The following SRPK2 variants were observed in gnomAD, a reference collection of about 807,000 sequenced individuals.
SRPK2 encodes SFRS protein kinase 2.
SRPK2 carries 21 observed loss-of-function variants against 90.8 expected under a neutral mutation model. The observed-to-expected ratio is 0.23, with a 90% CI of 0.16 to 0.33. The LOEUF (loss-of-function observed/expected upper bound fraction) is 0.33, where lower values mean the gene tolerates loss of function less well. Ranked by LOEUF, SRPK2 falls within the 10% of genes least tolerant of loss-of-function variation. The pLI is 1.00. For synonymous variants in SRPK2, 288 were observed against 311.1 expected (o/e 0.93, Z 0.78); for missense variants, 620 against 869.0 (o/e 0.71, Z 3.60).
chr7:105,127,201 A>C (rs1801331440), intron 13 of SRPK2, 139 bp from the exon 14 acceptor site: 2 of 671,730 alleles, frequency 3.0e-6, no homozygotes, highest in South Asian at 4.4e-5. Flanking sequence ...CTCAATACTA[A>C]TTTTTTTCTT....
At chr7:105,150,571 T>A (rs2129578630) in intron 7 of SRPK2, among the ~76,000 whole-genome samples, 2 of 152,296 alleles carry the variant, frequency 1.3e-5, no homozygotes, top group South Asian at 4.1e-4. Flanking sequence ...GTAAGAAAGA[T>A]AACATGATGT....
chr7:105,283,657 G>C (rs1231799571), intron 2 of SRPK2, among the ~76,000 whole-genome samples: 1 of 152,106 alleles, frequency 6.6e-6, no homozygotes, highest in African/African-American at 2.4e-5. Flanking sequence ...TTCTCTTTGA[G>C]GTGATGAAAA....
chr7:105,343,097 G>C (rs1816020657), intron 2 of SRPK2, among the ~76,000 whole-genome samples: 1 of 152,164 alleles, frequency 6.6e-6, no homozygotes, highest in Non-Finnish European at 1.5e-5. Context: ...CTTCAAGGAG[G>C]ACTTGAAAGT....
At chr7:105,240,926 T>G (rs1800735715) in intron 2 of SRPK2, among the ~76,000 whole-genome samples, 1 of 152,222 alleles carries the variant, frequency 6.6e-6, no homozygotes, top group Non-Finnish European at 1.5e-5. Context: ...AATGTTTTAT[T>G]GTTATTATTC....
At position 105,250,339 on chromosome 7, in the gene SRPK2, TAAAC is replaced by T. The variant is rs58664882; in HGVS notation, c.72-46558_72-46555del. Among the ~76,000 whole-genome samples, 675 of 151,204 alleles carry T rather than the reference TAAAC, an allele frequency of 4.5e-3. 2 individuals are homozygous for T. Among genetic ancestry groups the T allele is most frequent in the African/African-American group, 7.7e-3 (315 of 40,972 alleles). On this transcript the variant is annotated intron_variant, in intron 2 of 15. Coordinates refer to ENST00000393651, the MANE Select transcript of SRPK2 (RefSeq NM_182692.3). ...TGGGCAACGGGAGCAAAACTCTGTC[TAAAC>T]AAACAAACAAACAAACAAACAAACA...
rs1799645538 is a variant in SRPK2 at position 105,116,549 on chromosome 7, A to G, written c.*1289T>C. On this transcript the variant is annotated 3_prime_UTR_variant, in exon 16 of 16. Transcript: ENST00000393651. The stretch of plus-strand genomic sequence containing the variant: ...AGGCACCTTAATGAATGTAAAATTT[A>G]AAATAAAAAGACATTCAATCCACTG... The G allele has an allele frequency of 6.6e-6, 1 of 152,634 alleles. No homozygotes were observed. Among genetic ancestry groups the G allele is most frequent in the African/African-American group, 2.4e-5 (1 of 41,470 alleles). 9.5% of individuals were successfully genotyped at this position (152,634 alleles called of 1,614,324 possible).
chr7:105,177,507 C>T (rs142674277), intron 3 of SRPK2, among the ~76,000 whole-genome samples: 2 of 152,148 alleles, frequency 1.3e-5, no homozygotes, highest in Non-Finnish European at 2.9e-5. Flanking sequence ...CATTTAAAAA[C>T]CAAGATTTTC....
chr7:105,370,469 T>TCCTATCCTTTTAGG (rs1458701209), intron 2 of SRPK2, among the ~76,000 whole-genome samples: 1 of 152,140 alleles, frequency 6.6e-6, no homozygotes, highest in Non-Finnish European at 1.5e-5. Flanking sequence ...TCCTTCTTAT[T>TCCTATCCTTTTAGG]CCTATCCTTT....
chr7:105,212,194 T>C (rs1767687931), intron 2 of SRPK2, among the ~76,000 whole-genome samples: 1 of 152,202 alleles, frequency 6.6e-6, no homozygotes, highest in Non-Finnish European at 1.5e-5. Flanking sequence ...ATATTACTAC[T>C]GAAATGGAGA....
intron 2 of SRPK2, among the ~76,000 whole-genome samples, chr7:105,205,019 C>T (rs1796017784): frequency 6.6e-6 from 1 of 152,158 alleles, no homozygotes; most frequent in African/African-American, 2.4e-5. Context: ...GCCCTGGAAT[C>T]TTGAGAAGGT....
chr7:105,136,295 T>G (rs1051042425), intron 11 of SRPK2, among the ~76,000 whole-genome samples: 7 of 152,344 alleles, frequency 4.6e-5, no homozygotes, highest in South Asian at 4.1e-4. Flanking sequence ...TGATAGTTCC[T>G]GAACTAAGGT....
chr7:105,292,096 A>C (rs1409707493), intron 2 of SRPK2, among the ~76,000 whole-genome samples: 4 of 152,200 alleles, frequency 2.6e-5, no homozygotes, highest in Non-Finnish European at 5.9e-5. Flanking sequence ...CATGAGCCTC[A>C]GCTACCAACA....
At chr7:105,334,413 G>A (rs1031815187) in intron 2 of SRPK2, among the ~76,000 whole-genome samples, 15 of 151,936 alleles carry the variant, frequency 9.9e-5, no homozygotes, top group East Asian at 7.8e-4. Flanking sequence ...TAGTAGAGTC[G>A]GTGTTTCACC....
chr7:105,177,788 C>T (rs1048118391), intron 3 of SRPK2, among the ~76,000 whole-genome samples: 3 of 151,878 alleles, frequency 2.0e-5, no homozygotes, highest in African/African-American at 4.8e-5. Context: ...TTTGGGAGGC[C>T]GAGACGGGCG....
At chr7:105,125,181 A>C (rs1801011695) in intron 15 of SRPK2, among the ~76,000 whole-genome samples, 1 of 152,116 alleles carries the variant, frequency 6.6e-6, no homozygotes, top group South Asian at 2.1e-4. Context: ...TTCTTTTAAA[A>C]ATACTCCTAG....
chr7:105,287,194 G>A (rs1268243669), intron 2 of SRPK2, among the ~76,000 whole-genome samples: 2 of 147,422 alleles, frequency 1.4e-5, no homozygotes, highest in Non-Finnish European at 3.0e-5. Flanking sequence ...CCGGGAGGCG[G>A]AGCTTGCAGT....
intron 2 of SRPK2, among the ~76,000 whole-genome samples, chr7:105,290,761 G>A (rs1227241280): frequency 2.0e-5 from 3 of 152,096 alleles, no homozygotes; most frequent in Non-Finnish European, 2.9e-5. Flanking sequence ...AATGAAGGCC[G>A]GGCGCGGTGG....
At chr7:105,302,467 G>C (rs1481895948) in intron 2 of SRPK2, among the ~76,000 whole-genome samples, 2 of 152,150 alleles carry the variant, frequency 1.3e-5, no homozygotes, top group Non-Finnish European at 2.9e-5. Flanking sequence ...AGTACTCAGT[G>C]AACAGTTACT....
intron 2 of SRPK2, among the ~76,000 whole-genome samples, chr7:105,220,511 C>T (rs964739027): frequency 1.3e-5 from 2 of 151,830 alleles, no homozygotes; most frequent in African/African-American, 2.4e-5. Context: ...GGCGACAGAG[C>T]GAGACTCCAT....
Sources: gnomAD v4.1 joint callset for allele counts (sites outside exome capture counted in the v4.1 genomes callset) on GRCh38, gnomAD v4.1.1 for gene constraint, MANE v1.5 for transcripts, NCBI Gene and HGNC (gene_info 2026-07-23, HGNC 2026-07-21) for gene names.